Variants in FGF13 observed in about 807,000 individuals in gnomAD.
FGF13 encodes fibroblast growth factor homologous factor 2.
In FGF13, 2 loss-of-function variants were observed where a neutral mutation model predicts 19.5. The observed-to-expected ratio is 0.10, with a 90% CI of 0.04 to 0.32. The LOEUF is 0.32. Among genes scored for constraint, FGF13 ranks in the 10% least tolerant of loss-of-function variants. FGF13 has a pLI of 1.00. For missense variants in FGF13, 113 were observed against 192.7 expected (o/e 0.59, Z 2.45); for synonymous variants, 72 against 76.9 (o/e 0.94, Z 0.33).
intron 3 of FGF13, among the ~76,000 whole-genome samples, chrX:138,776,716 G>A (rs2090590325): frequency 8.9e-6 from 1 of 111,769 alleles, no homozygotes; most frequent in Admixed American, 9.5e-5. Flanking sequence ...TTTCCTCTCT[G>A]TCCTTTGCTA....
intron 1 of FGF13, among the ~76,000 whole-genome samples, chrX:138,922,317 C>T (rs1433407933): frequency 9.0e-6 from 1 of 111,633 alleles, no homozygotes; most frequent in Non-Finnish European, 1.9e-5. Flanking sequence ...TAGCACAAGG[C>T]TTATATCCGA....
chrX:138,827,929 T>A (rs963622334), intron 3 of FGF13, among the ~76,000 whole-genome samples: 2 of 111,963 alleles, frequency 1.8e-5, no homozygotes, highest in Non-Finnish European at 3.8e-5. Context: ...ATCACACAGC[T>A]AATAAGTGGC....
chrX:138,930,773 G>A (rs891341825), intron 1 of FGF13, among the ~76,000 whole-genome samples: 4 of 111,714 alleles, frequency 3.6e-5, no homozygotes, highest in African/African-American at 9.8e-5. Flanking sequence ...GACACACACA[G>A]TTCAAACCAC....
intron 3 of FGF13, among the ~76,000 whole-genome samples, chrX:138,824,807 T>C (rs966754400): frequency 1.8e-5 from 2 of 111,604 alleles, no homozygotes; most frequent in African/African-American, 3.3e-5. Context: ...ACTCACCTCC[T>C]TTTCCTTCAC....
chrX:139,037,793 G>C (rs963122361), intron 1 of FGF13, among the ~76,000 whole-genome samples: 1 of 112,196 alleles, frequency 8.9e-6, no homozygotes, highest in Non-Finnish European at 1.9e-5. Flanking sequence ...TACCATTTAA[G>C]GTAATATATT....
intron 3 of FGF13, among the ~76,000 whole-genome samples, chrX:138,660,145 C>G (rs2089476765): frequency 9.0e-6 from 1 of 111,723 alleles, no homozygotes; most frequent in Non-Finnish European, 1.9e-5. Context: ...TACTTAGTTG[C>G]TAATTTAACG....
At chrX:138,843,113 T>C (rs901519432) in intron 3 of FGF13, among the ~76,000 whole-genome samples, 4 of 112,014 alleles carry the variant, frequency 3.6e-5, no homozygotes, top group African/African-American at 1.3e-4. Context: ...TGGAGCACTG[T>C]AGGGGCACAG....
intron 1 of FGF13, among the ~76,000 whole-genome samples, chrX:138,865,890 T>A (rs1220780740): frequency 9.0e-6 from 1 of 111,727 alleles, no homozygotes; most frequent in African/African-American, 3.3e-5. Context: ...ATGTTGTATC[T>A]TTCTACTCTC....
intron 3 of FGF13, among the ~76,000 whole-genome samples, chrX:138,659,308 A>G (rs1021032914): frequency 3.6e-5 from 4 of 112,197 alleles, no homozygotes; most frequent in Non-Finnish European, 7.5e-5. Flanking sequence ...TGCCTCTAAA[A>G]TAATTAAGTA....
chrX:138,989,926 T>A (rs1404167327), intron 1 of FGF13, among the ~76,000 whole-genome samples: 5 of 111,541 alleles, frequency 4.5e-5, no homozygotes, highest in African/African-American at 1.6e-4. Context: ...CCAAATAAGC[T>A]ATAATATCCA....
chrX:138,732,808 G>A (rs778802080), intron 1 of FGF13, among the ~76,000 whole-genome samples: 1 of 111,070 alleles, frequency 9.0e-6, no homozygotes, highest in African/African-American at 3.3e-5. Flanking sequence ...GCGAGGGGAC[G>A]ACAACAATGA....
chrX:138,922,804 TG>T (rs1309215568), intron 1 of FGF13, among the ~76,000 whole-genome samples: 2 of 112,127 alleles, frequency 1.8e-5, no homozygotes, highest in Admixed American at 1.9e-4. Flanking sequence ...ACTTAACCCA[TG>T]GTACTAGAAA....
At chrX:138,670,143 C>G (rs1395751939) in intron 3 of FGF13, among the ~76,000 whole-genome samples, 3 of 111,784 alleles carry the variant, frequency 2.7e-5, no homozygotes, top group Non-Finnish European at 5.7e-5. Context: ...TAGTCCTATC[C>G]GTTAATAAGC....
intron 1 of FGF13, among the ~76,000 whole-genome samples, chrX:138,978,612 A>G (rs1038536350): frequency 1.8e-5 from 2 of 112,527 alleles, no homozygotes; most frequent in African/African-American, 3.2e-5. Flanking sequence ...AACAATGATG[A>G]TAACAATAGT....
chrX:138,927,701 G>A (rs2091681271), intron 1 of FGF13, among the ~76,000 whole-genome samples: 1 of 111,856 alleles, frequency 8.9e-6, no homozygotes, highest in Non-Finnish European at 1.9e-5. Context: ...CACCATTAAA[G>A]GAGAAAATGC....
intron 3 of FGF13, among the ~76,000 whole-genome samples, chrX:138,813,428 C>T (rs1427533425): frequency 9.0e-6 from 1 of 111,541 alleles, no homozygotes; most frequent in Non-Finnish European, 1.9e-5. Context: ...TCTTCTCTCC[C>T]TCAAATTCTT....
At chrX:138,648,089 T>A (rs2089326852) in intron 3 of FGF13, among the ~76,000 whole-genome samples, 2 of 112,130 alleles carry the variant, frequency 1.8e-5, no homozygotes, top group Admixed American at 1.9e-4. Context: ...TACATTCACA[T>A]GATCAATTCG....
At chrX:138,963,370 C>A (rs1389671377) in intron 1 of FGF13, among the ~76,000 whole-genome samples, 1 of 112,487 alleles carries the variant, frequency 8.9e-6, no homozygotes, top group Non-Finnish European at 1.9e-5. Context: ...CATTGACTAG[C>A]CAATGTCCAC....
chrX:138,687,898 C>T (rs1008856544), intron 3 of FGF13, among the ~76,000 whole-genome samples: 9 of 110,424 alleles, frequency 8.2e-5, no homozygotes, highest in African/African-American at 3.0e-4. Flanking sequence ...ATAAGCCAGA[C>T]ACAGGGAGAC....
Sources: allele counts gnomAD v4.1 joint callset (sites outside exome capture counted in the v4.1 genomes callset), GRCh38; gene constraint gnomAD v4.1.1; transcripts MANE v1.5; gene names NCBI Gene and HGNC (gene_info 2026-07-23, HGNC 2026-07-21).